The following SLC4A7 variants were observed in gnomAD, a reference collection of about 807,000 sequenced individuals.
The protein encoded by SLC4A7 is sodium bicarbonate cotransporter 3.
In SLC4A7, 51 loss-of-function variants were observed where a neutral mutation model predicts 137.6. That is an observed-to-expected ratio of 0.37 (90% CI 0.30 to 0.47). The LOEUF (loss-of-function observed/expected upper bound fraction) is 0.47. SLC4A7 is among the 20% of genes least tolerant of loss of function. SLC4A7 has a pLI of 1.00. For synonymous variants in SLC4A7, 542 were observed against 518.6 expected (o/e 1.05, Z -0.61); for missense variants, 1,247 against 1,525.4 (o/e 0.82, Z 3.04).
At position 27,395,132 on chromosome 3, in the gene SLC4A7, T is replaced by C. The variant is rs942876969; in HGVS notation, c.2704-17A>G. On this transcript the variant is annotated splice_polypyrimidine_tract_variant and intron_variant, in intron 18 of 25. Transcript: ENST00000454389. ...ATGAGTAGGCTGTTAAAAAATTAAATATAATTTTCAAAAAGTCTCCTTGCT... is the reference window on the plus strand; with the variant it reads ...ATGAGTAGGCTGTTAAAAAATTAAACATAATTTTCAAAAAGTCTCCTTGCT... The C allele has an allele frequency of 1.9e-6, 3 of 1,551,750 alleles. No homozygotes were observed. The East Asian group carries it at 6.8e-5, about 35-fold the overall frequency.
At chr3:27,413,114 G>T (rs2054068471) in intron 11 of SLC4A7, among the ~76,000 whole-genome samples, 1 of 152,050 alleles carries the variant, frequency 6.6e-6, no homozygotes, top group South Asian at 2.1e-4. Context: ...ATTTCATAGT[G>T]AGCACATTTT....
chr3:27,461,584 C>G (rs997724953), intron 1 of SLC4A7, among the ~76,000 whole-genome samples: 123 of 84,770 alleles, frequency 1.5e-3, no homozygotes, highest in African/African-American at 4.9e-3. Context: ...CTAGCCTAGG[C>G]AACACAGAAA....
At chr3:27,436,969 C>A (rs1456975986) in intron 4 of SLC4A7, among the ~76,000 whole-genome samples, 1 of 152,116 alleles carries the variant, frequency 6.6e-6, no homozygotes, top group Non-Finnish European at 1.5e-5. Context: ...TAAGGAAATT[C>A]TCTGCTCACT....
At chr3:27,404,759 T>C in intron 14 of SLC4A7, 71 bp downstream of exon 14, 1 of 1,282,888 alleles carries the variant, frequency 7.8e-7, no homozygotes, top group Non-Finnish European at 1.1e-6. Flanking sequence ...AGCAATTAAA[T>C]AATTCCCTTC....
chr3:27,380,955 G>A (rs561705639), intron 24 of SLC4A7, among the ~76,000 whole-genome samples: 13 of 152,218 alleles, frequency 8.5e-5, no homozygotes, highest in Non-Finnish European at 1.8e-4. Context: ...CCCTCAAAAT[G>A]AAATTAGATA....
intron 24 of SLC4A7, among the ~76,000 whole-genome samples, chr3:27,382,886 G>A (rs1473842397): frequency 3.3e-5 from 5 of 152,172 alleles, no homozygotes; most frequent in African/African-American, 9.7e-5. Flanking sequence ...TAAGATAGAT[G>A]GAGTGATAGA....
chr3:27,407,578 C>A (rs2053511483), intron 13 of SLC4A7, among the ~76,000 whole-genome samples: 1 of 152,074 alleles, frequency 6.6e-6, no homozygotes, highest in South Asian at 2.1e-4. Flanking sequence ...CCTACCCTTA[C>A]CTTCCCCTCA....
intron 7 of SLC4A7, among the ~76,000 whole-genome samples, chr3:27,425,439 G>A (rs894896967): frequency 6.7e-6 from 1 of 148,962 alleles, no homozygotes; most frequent in African/African-American, 2.5e-5. Context: ...CACTTTGGAA[G>A]GTCAAGGCGG....
chr3:27,389,524 A>G (rs1332466390), intron 22 of SLC4A7, among the ~76,000 whole-genome samples: 1 of 152,162 alleles, frequency 6.6e-6, no homozygotes, highest in Non-Finnish European at 1.5e-5. Context: ...GTCTTATTAA[A>G]GTCATCGGTA....
At chr3:27,469,068 C>G (rs778286540) in intron 1 of SLC4A7, among the ~76,000 whole-genome samples, 13 of 151,824 alleles carry the variant, frequency 8.6e-5, no homozygotes, top group Non-Finnish European at 1.5e-4. Context: ...TTTTGCACCA[C>G]TACACTCCAG....
intron 1 of SLC4A7, among the ~76,000 whole-genome samples, chr3:27,460,076 G>A (rs928232219): frequency 1.2e-4 from 18 of 148,248 alleles, no homozygotes; most frequent in African/African-American, 2.2e-4. Context: ...TCGCTCTGTC[G>A]CCCAGGCTGG....
intron 13 of SLC4A7, among the ~76,000 whole-genome samples, chr3:27,405,185 G>A (rs1360286077): frequency 6.6e-6 from 1 of 152,108 alleles, no homozygotes; most frequent in African/African-American, 2.4e-5. Context: ...AAACTTTTGT[G>A]ATCATCCTTA....
chr3:27,398,087 TG>T, intron 17 of SLC4A7, 104 bp downstream of exon 17: 1 of 771,620 alleles, frequency 1.3e-6, no homozygotes, highest in Non-Finnish European at 2.1e-6. Context: ...CCAGTTGGCA[TG>T]GAGTATTAAC....
At chr3:27,458,897 A>G (rs1393068688) in intron 1 of SLC4A7, among the ~76,000 whole-genome samples, 2 of 152,202 alleles carry the variant, frequency 1.3e-5, no homozygotes, top group African/African-American at 4.8e-5. Context: ...GGCTGAGGAA[A>G]GAGAATTGCT....
chr3:27,391,852 A>T (rs760664723), intron 20 of SLC4A7, 44 bp from the exon 21 acceptor site: 1 of 1,130,720 alleles, frequency 8.8e-7, no homozygotes, highest in Admixed American at 2.2e-5. Context: ...AGTAGTAAGT[A>T]AACAAAAACA....
At position 27,403,193 on chromosome 3, in the gene SLC4A7, C is replaced by A; in HGVS notation, c.2267G>T (p.Gly756Val). 1 of 1,613,728 alleles carries A rather than the reference C, an allele frequency of 6.2e-7. No individual in the cohort carries two copies. The highest frequency in any genetic ancestry group is 1.1e-5 in the South Asian group (1 of 91,036). Reference protein sequence around the residue: ...YEALEKLFDLGETYAFNMHNN... With the variant: ...YEALEKLFDLVETYAFNMHNN... ...GTGCATATTAAATGCATATGTTTCT[C>A]CTAAATCAAAGAGCTTCTCCAAAGC... The change falls in exon 15 of 26, where the codon GGA (glycine) becomes GTA (valine). Residue 756 changes from glycine to valine, a missense_variant. This residue lies in a region of SLC4A7 where 499 missense variants were observed against 664.2 expected (regional missense o/e 0.75). Transcript: ENST00000454389.
At chr3:27,467,823 ACT>A (rs2059072593) in intron 1 of SLC4A7, among the ~76,000 whole-genome samples, 1 of 152,300 alleles carries the variant, frequency 6.6e-6, no homozygotes, top group African/African-American at 2.4e-5. Context: ...TAAGAGAATG[ACT>A]CTAAAGGCAA....
Position 27,434,090 on chromosome 3 carries a change from T to G in SLC4A7, c.604A>C (p.Asn202His), listed in dbSNP as rs747582148. ...LDEIADMVLD[N>H]MIASGQLDES... Reference sequence around the variant, plus strand: ...TCTAATTGGCCAGAAGCTATCATGTTGTCTAATACCATATCTATTCAATGA... The same window carrying G: ...TCTAATTGGCCAGAAGCTATCATGTGGTCTAATACCATATCTATTCAATGA... The change falls in exon 6 of 26, where the codon AAC becomes CAC. Residue 202 changes from asparagine to histidine, a missense_variant. Asn to His is a moderately conservative substitution (Grantham distance 68). Coordinates refer to ENST00000454389, the MANE Select transcript of SLC4A7 (RefSeq NM_001321103.2). The G allele has an allele frequency of 3.1e-6, 5 of 1,607,550 alleles. No individual in the cohort carries two copies. The highest frequency in any genetic ancestry group is 2.7e-5 in the African/African-American group (2 of 74,536).
chr3:27,433,555 A>T (rs181116205), intron 6 of SLC4A7, among the ~76,000 whole-genome samples: 1 of 152,294 alleles, frequency 6.6e-6, no homozygotes. Context: ...CAGTCATAAA[A>T]GCCTTTCACA....
Sources: allele counts gnomAD v4.1 joint callset (sites outside exome capture counted in the v4.1 genomes callset), GRCh38; gene constraint gnomAD v4.1.1; regional missense constraint gnomAD v4.1.1; transcripts MANE v1.5; gene names NCBI Gene and HGNC (gene_info 2026-07-23, HGNC 2026-07-21).